Variants in ADAMTS20 observed in about 807,000 individuals in gnomAD.
ADAMTS20 encodes the protein ADAM metallopeptidase with thrombospondin type 1 motif 20.
In ADAMTS20, 225 loss-of-function variants were observed where a neutral mutation model predicts 260.1. The observed-to-expected ratio is 0.87, with a 90% confidence interval of 0.78 to 0.97. ADAMTS20 has a LOEUF of 0.97. Ranked by LOEUF, ADAMTS20 falls within the 50% of genes least tolerant of loss-of-function variation. ADAMTS20 has a pLI of 0.00. For missense variants in ADAMTS20, 2,400 were observed against 2,337.7 expected, an observed-to-expected ratio of 1.03 and a Z score of -0.55; for synonymous variants, 802 against 769.5, an observed-to-expected ratio of 1.04 and a Z score of -0.70.
chr12:43,431,437 T>C lies in ADAMTS20; in HGVS notation c.3156A>G (p.Val1052=), dbSNP rs1941440876. The C allele has an allele frequency of 6.2e-7, 1 of 1,614,002 alleles. No homozygotes were observed. ...TACAGAAGCCATCACTCAAGTGATC[T>C]ACATTCAGCTGACACCATACCTGCC... ...KQRQVWCQLN[V]DHLSDGFCNS... The change falls in exon 22 of 39, where the codon GTA becomes GTG. Residue 1052 remains valine, a synonymous_variant. Transcript: ENST00000389420.
intron 28 of ADAMTS20, among the ~76,000 whole-genome samples, chr12:43,416,106 C>A (rs1426883963): frequency 6.6e-6 from 1 of 152,178 alleles, no homozygotes; most frequent in Non-Finnish European, 1.5e-5. Context: ...GGGTCAAAAA[C>A]AGCCCCATCA....
chr12:43,415,469 T>C (rs889573427), intron 28 of ADAMTS20, among the ~76,000 whole-genome samples: 3 of 152,260 alleles, frequency 2.0e-5, no homozygotes, highest in African/African-American at 7.2e-5. Flanking sequence ...TTTTCTACTA[T>C]ATTTGGATTT....
chr12:43,496,013 T>G (rs1192139654), intron 4 of ADAMTS20, among the ~76,000 whole-genome samples: 1 of 152,166 alleles, frequency 6.6e-6, no homozygotes, highest in Admixed American at 6.5e-5. Context: ...AAGCAATGAA[T>G]AGCCACAAGG....
rs1162090289 is a variant in ADAMTS20 at position 43,443,876 on chromosome 12, A to AT, written c.2204dup (p.Asn735LysfsTer14). On this transcript the variant is annotated frameshift_variant, in exon 16 of 39. Transcript: ENST00000389420. LOFTEE classifies it high-confidence loss of function. ...CTCCTGCGGGAATCTTTACAACAAC[A>AT]TTATAACCTGCAATATAATTTTACA... 1 of 1,612,638 alleles carries AT rather than the reference A, an allele frequency of 6.2e-7. No individual in the cohort carries two copies. The highest frequency in any genetic ancestry group is 1.3e-5 in the African/African-American group (1 of 74,914).
At chr12:43,477,457 T>C (rs1316109675) in intron 7 of ADAMTS20, among the ~76,000 whole-genome samples, 4 of 152,164 alleles carry the variant, frequency 2.6e-5, no homozygotes. Flanking sequence ...TTGTAAAAAT[T>C]AGAGCAACAA....
rs564891002 is a variant in ADAMTS20 at position 43,521,780 on chromosome 12, G to C, written c.613+10256C>G. On this transcript the variant is annotated intron_variant, in intron 3 of 38. Coordinates refer to ENST00000389420, the MANE Select transcript of ADAMTS20 (RefSeq NM_025003.5). ...GTTCTTTCATAACTGGTCTCTGTGC[G>C]CCTTGCCTGCCTCCCCAGACTACAC... 3.6e-4 allele frequency among the ~76,000 whole-genome samples: 54 copies of C among 151,908 alleles called. No individual in the cohort carries two copies. In the South Asian group the frequency reaches 0.011, roughly 30 times the overall value.
chr12:43,544,974 G>A (rs1002679287), intron 2 of ADAMTS20, among the ~76,000 whole-genome samples: 2 of 152,114 alleles, frequency 1.3e-5, no homozygotes, highest in Non-Finnish European at 2.9e-5. Context: ...TGCTCTGCCA[G>A]TAGCATGCTC....
intron 8 of ADAMTS20, 147 bp from the exon 9 acceptor site, chr12:43,466,942 C>G (rs1023070172): frequency 3.3e-6 from 2 of 597,748 alleles, no homozygotes; most frequent in African/African-American, 3.7e-5. Flanking sequence ...TCCATAAGGC[C>G]TTAACAGTGT....
intron 7 of ADAMTS20, among the ~76,000 whole-genome samples, chr12:43,486,259 C>T (rs1942521487): frequency 6.6e-6 from 1 of 151,866 alleles, no homozygotes; most frequent in Non-Finnish European, 1.5e-5. Flanking sequence ...AATAGAAGAC[C>T]CACAAATAAA....
At chr12:43,407,056 T>C (rs539251322) in intron 28 of ADAMTS20, among the ~76,000 whole-genome samples, 1 of 152,122 alleles carries the variant, frequency 6.6e-6, no homozygotes, top group Admixed American at 6.5e-5. Context: ...TTAATGGAGT[T>C]TGAAAATGTC....
intron 37 of ADAMTS20, among the ~76,000 whole-genome samples, chr12:43,368,188 T>C (rs773695108): frequency 6.6e-6 from 1 of 152,130 alleles, no homozygotes; most frequent in Admixed American, 6.6e-5. Flanking sequence ...ATAACTGTAA[T>C]GTTCCAGTGT....
intron 29 of ADAMTS20, among the ~76,000 whole-genome samples, chr12:43,384,352 A>C (rs1365319061): frequency 6.6e-6 from 1 of 152,192 alleles, no homozygotes; most frequent in African/African-American, 2.4e-5. Context: ...GACTATACTC[A>C]TTATCTCCCT....
chr12:43,543,620 CTGTGGG>C (rs1943405384), intron 2 of ADAMTS20, among the ~76,000 whole-genome samples: 14 of 152,188 alleles, frequency 9.2e-5, no homozygotes, highest in Admixed American at 6.5e-4. Context: ...GTCAGTGCCC[CTGTGGG>C]AACTTTGAGT....
In ADAMTS20 at chr12:43,551,787, C is replaced by G. The variant is rs777288897; in HGVS notation, c.91+44G>C. On this transcript the variant is annotated intron_variant, in intron 1 of 38. Transcript: ENST00000389420. The surrounding 1 kb of genome is among the most constrained non-coding windows in gnomAD (Gnocchi z 4.6). ...CGACCTGCATGTCCCACTCGGGCCC[C>G]GCGCCCCCACTTAGCCGCTGAAGGC... is the stretch of plus-strand genomic sequence containing the variant. 31 of 1,599,774 alleles carry G rather than the reference C, an allele frequency of 1.9e-5. No homozygotes were observed. The highest frequency in any genetic ancestry group is 2.4e-5 in the Non-Finnish European group (28 of 1,168,962).
chr12:43,466,119 C>T (rs778291690), intron 9 of ADAMTS20, among the ~76,000 whole-genome samples: 1 of 151,934 alleles, frequency 6.6e-6, no homozygotes, highest in Non-Finnish European at 1.5e-5. Flanking sequence ...CAAGAAAAAC[C>T]TGGATCTACT....
chr12:43,391,553 A>G (rs1435351341), intron 29 of ADAMTS20, among the ~76,000 whole-genome samples: 3 of 152,138 alleles, frequency 2.0e-5, no homozygotes, highest in Admixed American at 2.0e-4. Flanking sequence ...AGTGTAGAGT[A>G]TGTCTAAAGA....
At chr12:43,463,886 T>G (rs1942108223) in intron 10 of ADAMTS20, among the ~76,000 whole-genome samples, 1 of 151,978 alleles carries the variant, frequency 6.6e-6, no homozygotes, top group South Asian at 2.1e-4. Flanking sequence ...CACAACCTAG[T>G]AGGGAGGGAA....
In ADAMTS20 at chr12:43,426,623, G is replaced by T. The variant is rs577757940; in HGVS notation, c.4107+685C>A. Among the ~76,000 whole-genome samples, 14 of 152,286 alleles carry T rather than the reference G, an allele frequency of 9.2e-5. No individual in the cohort carries two copies. The East Asian group carries it at 2.7e-3, about 29-fold the overall frequency. On this transcript the variant is annotated intron_variant, in intron 27 of 38. Coordinates refer to ENST00000389420, the MANE Select transcript of ADAMTS20 (RefSeq NM_025003.5). ...CAGTTCCTAGAGAGTGCCAGTGCAT[G>T]AAGCAAGTGCTCAATAACTGACAAC... is the stretch of plus-strand genomic sequence containing the variant.
At chr12:43,416,812 G>A (rs376267787) in intron 28 of ADAMTS20, among the ~76,000 whole-genome samples, 5 of 151,912 alleles carry the variant, frequency 3.3e-5, no homozygotes, top group Admixed American at 6.6e-5. Flanking sequence ...GTGAGCCACC[G>A]CGCCCGGCCA....
Sources: allele counts gnomAD v4.1 joint callset (sites outside exome capture counted in the v4.1 genomes callset), GRCh38; gene constraint gnomAD v4.1.1; non-coding constraint Gnocchi (gnomAD v3.1); transcripts MANE v1.5; gene names NCBI Gene and HGNC (gene_info 2026-07-23, HGNC 2026-07-21).